TRAT1: variants seen among roughly 807,000 people sequenced by gnomAD.
TRAT1 encodes the protein T-cell receptor-associated transmembrane adapter 1.
TRAT1 carries 20 observed loss-of-function variants against 20.0 expected under a neutral mutation model. That is an observed-to-expected ratio of 1.00 (90% confidence interval 0.70 to 1.45). TRAT1 has a LOEUF of 1.45. Among genes scored for constraint, TRAT1 ranks in the 40% most tolerant of loss-of-function variants. TRAT1 has a pLI of 0.00. For missense variants in TRAT1, 237 were observed against 224.1 expected (o/e 1.06, Z -0.37); for synonymous variants, 77 against 74.2 (o/e 1.04, Z -0.20).
At chr3:108,840,427 AT>A (rs2107511964) in intron 3 of TRAT1, among the ~76,000 whole-genome samples, 1 of 151,894 alleles carries the variant, frequency 6.6e-6, no homozygotes, top group South Asian at 2.1e-4. Context: ...TGATTTGACT[AT>A]TTAGCTAAAT....
At position 108,853,715 on chromosome 3, in the gene TRAT1, C is replaced by A. The variant is rs139860615; in HGVS notation, c.399C>A (p.Asp133Glu). ...GGAAACAGAATACTCATTTCTCAGA[C>A]AAGGATGGAGATGAGCAACTACATG... is the stretch of plus-strand genomic sequence containing the variant. Reference protein sequence around the residue: ...KPRKQNTHFSDKDGDEQLHAI... With the variant: ...KPRKQNTHFSEKDGDEQLHAI... The change falls in exon 6 of 6, where the codon GAC becomes GAA. Residue 133 changes from aspartate to glutamate, a missense_variant. Coordinates refer to ENST00000295756, the MANE Select transcript of TRAT1 (RefSeq NM_016388.4). 1 of 1,614,140 alleles carries A rather than the reference C, an allele frequency of 6.2e-7. No individual in the cohort carries two copies. Among genetic ancestry groups the A allele is most frequent in the Admixed American group, 1.7e-5 (1 of 60,018 alleles).
At chr3:108,849,696 G>T (rs575861567) in intron 5 of TRAT1, among the ~76,000 whole-genome samples, 15 of 152,214 alleles carry the variant, frequency 9.9e-5, no homozygotes, top group Non-Finnish European at 2.2e-4. Context: ...TTAAAAGGCA[G>T]ATGACTTTCA....
rs1946023101 is a variant in TRAT1, at chr3:108,853,937, A to G, written c.*60A>G. 1 of 1,533,132 alleles carries G rather than the reference A, an allele frequency of 6.5e-7. No individual in the cohort carries two copies. The highest frequency in any genetic ancestry group is 1.4e-5 in the African/African-American group (1 of 73,216). The allele number at this position is 1,533,132 out of a possible 1,614,324, so 95.0% of individuals were successfully genotyped here. A position where few individuals can be genotyped will look rare whatever the true frequency, so the allele number is the denominator to read the frequency against. On this transcript the variant is annotated 3_prime_UTR_variant, in exon 6 of 6. Coordinates refer to ENST00000295756, the MANE Select transcript of TRAT1 (RefSeq NM_016388.4). ...ATTGAAGATGGCTTCTAAGAAAACA[A>G]GATGCACAGAGGACACAGAAGGACT...
intron 1 of TRAT1, among the ~76,000 whole-genome samples, chr3:108,829,593 A>ACACACACACACACACG (rs1319142022): frequency 6.6e-6 from 1 of 150,930 alleles, no homozygotes; most frequent in East Asian, 1.9e-4. Flanking sequence ...CAAAACACAC[A>ACACACACACACACACG]CACACACACA....
intron 2 of TRAT1, among the ~76,000 whole-genome samples, chr3:108,837,120 C>A (rs950158369): frequency 3.3e-5 from 5 of 152,174 alleles, no homozygotes; most frequent in Non-Finnish European, 7.3e-5. Context: ...CTTGTGGCTA[C>A]TATGCAATAT....
At chr3:108,831,622 C>G (rs1258927486) in intron 2 of TRAT1, among the ~76,000 whole-genome samples, 1 of 151,516 alleles carries the variant, frequency 6.6e-6, no homozygotes, top group Non-Finnish European at 1.5e-5. Context: ...TCACTGCAGC[C>G]TCAAACTTCT....
At chr3:108,848,026 A>G (rs77831368) in intron 4 of TRAT1, among the ~76,000 whole-genome samples, 2,748 of 152,242 alleles carry the variant, frequency 0.018, 40 homozygotes, top group Non-Finnish European at 0.028. Context: ...GGAATCAAAA[A>G]TTATTTTTTG....
At position 108,830,774 on chromosome 3, in the gene TRAT1, C is replaced by A; in HGVS notation, c.112C>A (p.Arg38=). Residue 38 remains arginine (R), a synonymous_variant, in exon 2 of 6, where the codon CGA becomes AGA. Transcript: ENST00000295756. ...FNISHYVEKQ[R]QDKMYSYSSD... The stretch of plus-strand genomic sequence containing the variant: ...TATTTCCCACTATGTGGAAAAGCAA[C>A]GACAAGGTAAGACATTTTGACAAAT... 6.2e-7 allele frequency: 1 copy of A among 1,606,260 alleles called. No individual in the cohort carries two copies. The highest frequency in any genetic ancestry group is 8.5e-7 in the Non-Finnish European group (1 of 1,172,966).
At chr3:108,823,742 A>T (rs963708453) in intron 1 of TRAT1, among the ~76,000 whole-genome samples, 1 of 152,172 alleles carries the variant, frequency 6.6e-6, no homozygotes, top group African/African-American at 2.4e-5. Context: ...AGCTTTTTTC[A>T]CTAACATAAC....
chr3:108,838,356 TGATAGATAGATA>T (rs11371183), intron 2 of TRAT1, among the ~76,000 whole-genome samples: 106 of 77,036 alleles, frequency 1.4e-3, no homozygotes, highest in South Asian at 5.7e-3. Context: ...TATAGATAGA[TGATAGATAGATA>T]GATAGATAGA....
chr3:108,823,481 G>A (rs1322999724), intron 1 of TRAT1, among the ~76,000 whole-genome samples: 1 of 152,152 alleles, frequency 6.6e-6, no homozygotes, highest in Non-Finnish European at 1.5e-5. Flanking sequence ...ATGAATCCAT[G>A]TTGATGGTTC....
chr3:108,837,737 C>T (rs971069500), intron 2 of TRAT1, among the ~76,000 whole-genome samples: 15 of 152,046 alleles, frequency 9.9e-5, no homozygotes, highest in Admixed American at 2.0e-4. Context: ...GAAAAATAAG[C>T]CATTCAAATA....
At chr3:108,839,400 G>A (rs62266463) in intron 3 of TRAT1, 25 of 153,702 alleles carry the variant, frequency 1.6e-4, no homozygotes, top group Non-Finnish European at 2.9e-4. Context: ...TTGGGAGGCC[G>A]AGGCAGGCAG....
intron 3 of TRAT1, among the ~76,000 whole-genome samples, chr3:108,843,545 A>G (rs139795883): frequency 0.013 from 1,936 of 152,162 alleles, 40 homozygotes; most frequent in African/African-American, 0.044. Flanking sequence ...ACAAAAACAA[A>G]AATAAACAAA....
intron 2 of TRAT1, among the ~76,000 whole-genome samples, chr3:108,836,512 A>C (rs185271797): frequency 1.2e-4 from 19 of 152,284 alleles, no homozygotes; most frequent in African/African-American, 4.6e-4. Context: ...AGCATTACTT[A>C]TATATCTTTT....
At chr3:108,834,053 G>A (rs1945818282) in intron 2 of TRAT1, among the ~76,000 whole-genome samples, 1 of 152,024 alleles carries the variant, frequency 6.6e-6, no homozygotes, top group Non-Finnish European at 1.5e-5. Flanking sequence ...GCCCCTCTAA[G>A]TCCTCTCCAG....
intron 2 of TRAT1, among the ~76,000 whole-genome samples, chr3:108,834,985 C>A (rs1452695956): frequency 1.3e-5 from 2 of 152,152 alleles, no homozygotes; most frequent in African/African-American, 2.4e-5. Context: ...AGTGCATTCA[C>A]TTTTTCCTTC....
At chr3:108,852,883 A>C (rs2107517371) in intron 5 of TRAT1, among the ~76,000 whole-genome samples, 1 of 152,322 alleles carries the variant, frequency 6.6e-6, no homozygotes, top group East Asian at 1.9e-4. Flanking sequence ...TGCCAAATTC[A>C]AGGTCTTGCC....
intron 2 of TRAT1, among the ~76,000 whole-genome samples, chr3:108,831,149 G>A (rs1054615491): frequency 3.3e-5 from 5 of 152,146 alleles, no homozygotes; most frequent in Non-Finnish European, 5.9e-5. Flanking sequence ...AGCTCTTTAA[G>A]ATTCCATTCA....
Sources: gnomAD v4.1 joint callset for allele counts (sites outside exome capture counted in the v4.1 genomes callset) on GRCh38, gnomAD v4.1.1 for gene constraint, MANE v1.5 for transcripts, NCBI Gene and HGNC (gene_info 2026-07-23, HGNC 2026-07-21) for gene names.